NHSL1: variants seen among roughly 807,000 people sequenced by gnomAD.
The protein encoded by NHSL1 is NHS like 1.
NHSL1 carries 48 observed loss-of-function variants against 95.0 expected under a neutral mutation model. The observed-to-expected ratio is 0.51, with a 90% CI of 0.40 to 0.64. NHSL1 has a LOEUF of 0.64. NHSL1 is among the 30% of genes least tolerant of loss of function. NHSL1 has a pLI of 0.00. For synonymous variants in NHSL1, 783 were observed against 833.9 expected (o/e 0.94, Z 1.05); for missense variants, 1,971 against 2,077.7 (o/e 0.95, Z 1.00).
intron 1 of NHSL1, among the ~76,000 whole-genome samples, chr6:138,583,907 T>C (rs139889523): frequency 6.6e-6 from 1 of 152,230 alleles, no homozygotes; most frequent in Non-Finnish European, 1.5e-5. Flanking sequence ...GAGAGCAGCC[T>C]GGACAACAAA....
At chr6:138,483,682 T>C (rs888064514) in intron 2 of NHSL1, among the ~76,000 whole-genome samples, 2 of 152,156 alleles carry the variant, frequency 1.3e-5, no homozygotes, top group African/African-American at 4.8e-5. Context: ...ATCAGATGGA[T>C]CCATTTCAAA....
At chr6:138,553,814 C>A (rs4482997) in intron 1 of NHSL1, among the ~76,000 whole-genome samples, 1 of 152,036 alleles carries the variant, frequency 6.6e-6, no homozygotes, top group South Asian at 2.1e-4. Context: ...GATTAATAAT[C>A]TGAAAGAGTC....
intron 1 of NHSL1, among the ~76,000 whole-genome samples, chr6:138,582,897 T>C (rs1307833476): frequency 6.6e-6 from 1 of 152,208 alleles, no homozygotes; most frequent in African/African-American, 2.4e-5. Context: ...TTGGGTCCTG[T>C]ATCACTTAAC....
chr6:138,603,962 C>A (rs1037360064), intron 1 of NHSL1, among the ~76,000 whole-genome samples: 3 of 152,162 alleles, frequency 2.0e-5, no homozygotes, highest in African/African-American at 7.2e-5. Context: ...ATGTGTCAGG[C>A]ACATTGGCCC....
At chr6:138,681,149 A>G (rs1383889189) in intron 1 of NHSL1, among the ~76,000 whole-genome samples, 3 of 152,214 alleles carry the variant, frequency 2.0e-5, no homozygotes, top group African/African-American at 7.2e-5. Flanking sequence ...AATACTTTGG[A>G]TTATATATAT....
chr6:138,656,935 C>A (rs9495186), intron 1 of NHSL1, among the ~76,000 whole-genome samples: 11,094 of 152,170 alleles, frequency 0.073, 1,195 homozygotes, highest in African/African-American at 0.23. Flanking sequence ...ATTACACATA[C>A]GCAACTTTGG....
intron 1 of NHSL1, among the ~76,000 whole-genome samples, chr6:138,675,323 C>A (rs929051585): frequency 6.6e-5 from 10 of 152,090 alleles, no homozygotes; most frequent in Admixed American, 6.6e-4. Context: ...CAAAGCTTCA[C>A]AACCACATAT....
At chr6:138,570,358 C>A (rs942869203) in intron 1 of NHSL1, among the ~76,000 whole-genome samples, 11 of 152,220 alleles carry the variant, frequency 7.2e-5, no homozygotes, top group Non-Finnish European at 1.5e-4. Context: ...CAATCATTTA[C>A]CAAAACCACA....
At chr6:138,657,183 C>A (rs1785168142) in intron 1 of NHSL1, among the ~76,000 whole-genome samples, 1 of 152,124 alleles carries the variant, frequency 6.6e-6, no homozygotes, top group South Asian at 2.1e-4. Context: ...AGTCTGCAGT[C>A]AGTCCATCCA....
rs56326954 is a variant in NHSL1, at chr6:138,423,815, C to CAAAAAAAA, written c.*258_*265dup. On this transcript the variant is annotated 3_prime_UTR_variant, in exon 8 of 8. Transcript: ENST00000343505. ...GCACACATACACACCCAGCATTTAG[C>CAAAAAAAA]AAAAAAAAAAAAAAAAAAAAAAAAT... 731 of 139,062 alleles carry CAAAAAAAA rather than the reference C, an allele frequency of 5.3e-3. 18 individuals carry two copies. The highest frequency in any genetic ancestry group is 0.024 in the African/African-American group (642 of 26,500). The allele number at this position is 139,062 out of a possible 1,614,324, so 8.6% of individuals were successfully genotyped here. A position where few individuals can be genotyped will look rare whatever the true frequency, so the allele number is the denominator to read the frequency against.
At position 138,692,549 on chromosome 6, in the gene NHSL1, G is replaced by T. The variant is rs117648354; in HGVS notation, c.24C>A (p.Thr8=). The T allele has an allele frequency of 0.12, 24,630 of 198,974 alleles. 1,757 individuals are homozygous for T. The highest frequency in any genetic ancestry group is 0.36 in the East Asian group (2,041 of 5,652). The allele number at this position is 198,974 out of a possible 1,614,324, so 12.3% of individuals were successfully genotyped here. Residue 8 remains threonine (T), a synonymous_variant, in exon 1 of 4, where the codon ACC becomes ACA. Coordinates refer to the NHSL1 transcript ENST00000491526. The surrounding 1 kb of genome is among the most constrained non-coding windows in gnomAD (Gnocchi z 4.0). ...CGTCGAGGCGGCGGTGCAGCGCGGC[G>T]GTGCGGTGGCCCAGCGCGGCCGCCT... is the stretch of plus-strand genomic sequence containing the variant.
rs1003938744 is a variant in NHSL1, at chr6:138,448,383, C to A, written c.340-1190G>T. ...TAATAACTGCTCTTTAAGTCCGAAG[C>A]ATTTAAACGGAACTACCAATTATGA... On this transcript the variant is annotated intron_variant, in intron 3 of 7. Coordinates refer to ENST00000343505, the MANE Select transcript of NHSL1 (RefSeq NM_001144060.2). Among the ~76,000 whole-genome samples the A allele has an allele frequency of 9.2e-5, 14 of 152,256 alleles. No homozygotes were observed. The South Asian group carries it at 1.7e-3, about 18-fold the overall frequency.
chr6:138,654,501 A>T (rs1229617613), intron 1 of NHSL1, among the ~76,000 whole-genome samples: 1 of 152,218 alleles, frequency 6.6e-6, no homozygotes, highest in East Asian at 1.9e-4. Context: ...GAAAATACTT[A>T]AGGTACAATC....
intron 1 of NHSL1, among the ~76,000 whole-genome samples, chr6:138,677,359 G>A (rs1370795308): frequency 6.6e-6 from 1 of 152,104 alleles, no homozygotes; most frequent in African/African-American, 2.4e-5. Flanking sequence ...ATTGTGTCGA[G>A]TCACCTCTCA....
intron 1 of NHSL1, among the ~76,000 whole-genome samples, chr6:138,666,403 A>C (rs1474206461): frequency 6.6e-6 from 1 of 152,134 alleles, no homozygotes; most frequent in Non-Finnish European, 1.5e-5. Flanking sequence ...CATCCTGGCT[A>C]ACACGGTGAA....
At chr6:138,511,742 C>T (rs1242045619) in intron 1 of NHSL1, among the ~76,000 whole-genome samples, 1 of 152,132 alleles carries the variant, frequency 6.6e-6, no homozygotes, top group Admixed American at 6.5e-5. Flanking sequence ...TCAAGACCAG[C>T]CTGGGCAACA....
intron 1 of NHSL1, among the ~76,000 whole-genome samples, chr6:138,647,292 C>A (rs1785032208): frequency 6.6e-6 from 1 of 152,166 alleles, no homozygotes; most frequent in African/African-American, 2.4e-5. Flanking sequence ...TATACTTAAG[C>A]CAAGACTCCT....
rs942026330 is a variant in NHSL1 at position 138,455,346 on chromosome 6, A to G, written c.340-8153T>C. 2.0e-5 allele frequency among the ~76,000 whole-genome samples: 3 copies of G among 152,184 alleles called. No homozygotes were observed. The East Asian group carries it at 5.8e-4, about 29-fold the overall frequency. The stretch of plus-strand genomic sequence containing the variant: ...AAAAATTGAGTGAAGCATACCAGAC[A>G]AGTCAAAGAGGAATAAGAGATGACA... On this transcript the variant is annotated intron_variant, in intron 3 of 7. Coordinates refer to ENST00000343505, the MANE Select transcript of NHSL1 (RefSeq NM_001144060.2).
intron 1 of NHSL1, among the ~76,000 whole-genome samples, chr6:138,608,726 C>G (rs1014727237): frequency 6.6e-6 from 1 of 152,166 alleles, no homozygotes; most frequent in African/African-American, 2.4e-5. Flanking sequence ...CAAAGCAGAG[C>G]GGCCTCCTTC....
Sources: gnomAD v4.1 joint callset for allele counts (sites outside exome capture counted in the v4.1 genomes callset) on GRCh38, gnomAD v4.1.1 for gene constraint, Gnocchi (gnomAD v3.1) non-coding constraint, MANE v1.5 for transcripts, NCBI Gene and HGNC (gene_info 2026-07-23, HGNC 2026-07-21) for gene names.